Variants in YWHAE observed in about 807,000 individuals in gnomAD.
YWHAE encodes the protein tyrosine 3-monooxygenase/tryptophan 5-monooxygenase activation protein epsilon, also known as 14-3-3 protein epsilon.
A neutral mutation model predicts 30.1 loss-of-function variants in YWHAE; 4 were observed. The observed-to-expected ratio is 0.13, with a 90% CI of 0.07 to 0.30. The LOEUF (loss-of-function observed/expected upper bound fraction) is 0.30, where lower values mean the gene tolerates loss of function less well. YWHAE is among the 10% of genes least tolerant of loss of function. The probability of loss-of-function intolerance (pLI) is 1.00; values close to 1 mark genes in which losing one functional copy is unlikely to be tolerated. For synonymous variants in YWHAE, 118 were observed against 111.8 expected (o/e 1.06, Z -0.35); for missense variants, 121 against 315.9 (o/e 0.38, Z 4.68).
chr17:1,372,999 T>C (rs1370991952), intron 1 of YWHAE, among the ~76,000 whole-genome samples: 1 of 151,994 alleles, frequency 6.6e-6, no homozygotes, highest in African/African-American at 2.4e-5. Context: ...CCCAGCACTT[T>C]GGGAGGCCAA....
intron 5 of YWHAE, among the ~76,000 whole-genome samples, chr17:1,349,479 A>G (rs1369952302): frequency 6.6e-6 from 1 of 152,194 alleles, no homozygotes; most frequent in Non-Finnish European, 1.5e-5. Flanking sequence ...CTGTTGAACT[A>G]TTTCATGACT....
chr17:1,354,353 G>A lies in YWHAE; in HGVS notation c.579-6C>T, dbSNP rs1435534316. On this transcript the variant is annotated splice_region_variant and splice_polypyrimidine_tract_variant and intron_variant, in intron 4 of 5. Transcript: ENST00000264335. ...CAAAAGCTGCTTTTGCCAACCTAAA[G>A]GTATTTCAATAGAAGTGTTATAAAA... 3 of 1,611,540 alleles carry A rather than the reference G, an allele frequency of 1.9e-6. No homozygotes were observed. Among genetic ancestry groups the A allele is most frequent in the Admixed American group, 1.7e-5 (1 of 59,376 alleles).
At chr17:1,358,927 G>C (rs1185990948) in intron 4 of YWHAE, among the ~76,000 whole-genome samples, 1 of 151,168 alleles carries the variant, frequency 6.6e-6, no homozygotes, top group Non-Finnish European at 1.5e-5. Flanking sequence ...ACGAGGTCAG[G>C]AGTTCGAGAC....
chr17:1,385,341 G>A (rs1272991652), intron 1 of YWHAE, among the ~76,000 whole-genome samples: 3 of 152,008 alleles, frequency 2.0e-5, no homozygotes, highest in Non-Finnish European at 2.9e-5. Flanking sequence ...AAACACCAAG[G>A]TCCCCTGTGA....
chr17:1,349,266 C>T (rs926071146), intron 5 of YWHAE, among the ~76,000 whole-genome samples: 3 of 152,096 alleles, frequency 2.0e-5, no homozygotes, highest in Non-Finnish European at 4.4e-5. Flanking sequence ...CGCTTGAACC[C>T]GGGAGGTGGA....
intron 1 of YWHAE, among the ~76,000 whole-genome samples, chr17:1,384,219 A>C (rs2073263305): frequency 6.6e-6 from 1 of 152,048 alleles, no homozygotes; most frequent in Non-Finnish European, 1.5e-5. Context: ...AATAAAAATA[A>C]AAAATAAATT....
intron 1 of YWHAE, chr17:1,399,085 A>AT (rs1330492860): frequency 6.6e-6 from 1 of 152,086 alleles, no homozygotes; most frequent in Non-Finnish European, 1.5e-5. Context: ...AGGTCTTCCC[A>AT]TTTGTCATCA....
At chr17:1,397,146 G>A (rs1382636765) in intron 1 of YWHAE, among the ~76,000 whole-genome samples, 1 of 152,060 alleles carries the variant, frequency 6.6e-6, no homozygotes, top group East Asian at 1.9e-4. Flanking sequence ...TGATCCACCC[G>A]CCTCGACCTC....
In YWHAE at chr17:1,356,171, A is replaced by AACACACACACACAC. The variant is rs71148473; in HGVS notation, c.579-1838_579-1825dup. Among the ~76,000 whole-genome samples, 243 of 143,076 alleles carry AACACACACACACAC rather than the reference A, an allele frequency of 1.7e-3. 1 individual carries two copies. The highest frequency in any genetic ancestry group is 2.8e-3 in the Non-Finnish European group (183 of 65,558). 93.9% of individuals were successfully genotyped at this position (143,076 alleles called of 152,430 possible). ...GCAACAGAGCAAGACTCCGTCTAAA[A>AACACACACACACAC]ACACACACACACACACACACACACA... On this transcript the variant is annotated intron_variant, in intron 4 of 5. Coordinates refer to ENST00000264335, the MANE Select transcript of YWHAE (RefSeq NM_006761.5).
At chr17:1,395,381 T>C (rs578040939) in intron 1 of YWHAE, among the ~76,000 whole-genome samples, 1 of 151,260 alleles carries the variant, frequency 6.6e-6, no homozygotes, top group South Asian at 2.1e-4. Flanking sequence ...TACAAAAAAT[T>C]AGCCGAGTGT....
At chr17:1,386,130 TGAAA>T (rs2150872409) in intron 1 of YWHAE, among the ~76,000 whole-genome samples, 1 of 152,156 alleles carries the variant, frequency 6.6e-6, no homozygotes, top group Admixed American at 6.5e-5. Context: ...GGATAACAAG[TGAAA>T]GAAATAGCCA....
At chr17:1,399,612 G>C (rs982129999) in intron 1 of YWHAE, 1 of 204,468 alleles carries the variant, frequency 4.9e-6, no homozygotes, top group African/African-American at 2.4e-5. Flanking sequence ...TACAGCTCCC[G>C]GTCTTCGCTC....
chr17:1,352,414 A>T (rs2072649791), intron 5 of YWHAE, among the ~76,000 whole-genome samples: 1 of 152,216 alleles, frequency 6.6e-6, no homozygotes, highest in African/African-American at 2.4e-5. Context: ...AAGCATTTTC[A>T]AAAAGTATAA....
chr17:1,400,184 C>A lies in YWHAE; in HGVS notation c.-74G>T, dbSNP rs2073547841. 3 of 1,579,650 alleles carry A rather than the reference C, an allele frequency of 1.9e-6. No homozygotes were observed. The highest frequency in any genetic ancestry group is 1.1e-5 in the South Asian group (1 of 90,330). ...TGTCTCCGACTCTCTCAGCCTCTCG[C>A]TCCGCGTCCGGGCAGCAAAAATGGC... is the stretch of plus-strand genomic sequence containing the variant. On this transcript the variant is annotated 5_prime_UTR_variant, in exon 1 of 6. Coordinates refer to ENST00000264335, the MANE Select transcript of YWHAE (RefSeq NM_006761.5).
At chr17:1,373,364 CAT>C (rs1282966925) in intron 1 of YWHAE, among the ~76,000 whole-genome samples, 6 of 151,682 alleles carry the variant, frequency 4.0e-5, no homozygotes, top group African/African-American at 1.5e-4. Context: ...CCACCATTAA[CAT>C]GTAATGAAAA....
intron 2 of YWHAE, among the ~76,000 whole-genome samples, chr17:1,363,263 T>C (rs999554328): frequency 2.0e-5 from 3 of 152,190 alleles, no homozygotes; most frequent in African/African-American, 7.2e-5. Context: ...CTTTATTTTT[T>C]ACTTTTTCTT....
intron 4 of YWHAE, among the ~76,000 whole-genome samples, chr17:1,358,238 C>CA (rs986521601): frequency 9.9e-5 from 15 of 151,498 alleles, no homozygotes; most frequent in African/African-American, 2.9e-4. Flanking sequence ...AACAAAACAA[C>CA]AAAAAAAAAT....
chr17:1,367,853 G>A (rs978341705), intron 1 of YWHAE, among the ~76,000 whole-genome samples: 3 of 152,174 alleles, frequency 2.0e-5, no homozygotes, highest in Admixed American at 6.6e-5. Context: ...GGTGAACTGA[G>A]GGGCTTTTGT....
intron 5 of YWHAE, among the ~76,000 whole-genome samples, chr17:1,352,682 C>T (rs1029554863): frequency 1.3e-5 from 2 of 152,148 alleles, no homozygotes; most frequent in African/African-American, 4.8e-5. Flanking sequence ...CCCGCCACCA[C>T]GCCCAGCCAA....
Sources: gnomAD v4.1 joint callset for allele counts (sites outside exome capture counted in the v4.1 genomes callset) on GRCh38, gnomAD v4.1.1 for gene constraint, MANE v1.5 for transcripts, NCBI Gene and HGNC (gene_info 2026-07-23, HGNC 2026-07-21) for gene names.